Variants in KDELR1 observed in about 807,000 individuals in gnomAD.
The protein encoded by KDELR1 is ER lumen protein-retaining receptor 1.
KDELR1 carries 16 observed loss-of-function variants against 25.5 expected under a neutral mutation model. The ratio of observed to expected loss-of-function variants is 0.63; its 90% CI spans 0.43 to 0.95. The LOEUF (loss-of-function observed/expected upper bound fraction) is 0.95, where lower values mean the gene tolerates loss of function less well. Among genes scored for constraint, KDELR1 ranks in the 40% least tolerant of loss-of-function variants. The probability of loss-of-function intolerance (pLI) is 0.00; values close to 1 mark genes in which losing one functional copy is unlikely to be tolerated. For missense variants in KDELR1, 159 were observed against 265.2 expected, an observed-to-expected ratio of 0.60 and a Z score of 2.78; for synonymous variants, 121 against 115.0, an observed-to-expected ratio of 1.05 and a Z score of -0.33.
In KDELR1 at chr19:48,389,586, C is replaced by T. The variant is rs779359987; in HGVS notation, c.318G>A (p.Ala106=). 1.2e-5 allele frequency: 19 copies of T among 1,614,078 alleles called. No homozygotes were observed. The highest frequency in any genetic ancestry group is 4.5e-5 in the East Asian group (2 of 44,880). ...GGGTGAAGTCATGATTGACCAGGAACGCCAGAATGGCTGTGGGAACGACCA... is the reference window on the plus strand; with the variant it reads ...GGGTGAAGTCATGATTGACCAGGAATGCCAGAATGGCTGTGGGAACGACCA... ...EFLVVPTAIL[A]FLVNHDFTPL... The change falls in exon 3 of 5, where the codon GCG becomes GCA. Residue 106 remains alanine (A), a synonymous_variant. Transcript: ENST00000330720.
At chr19:48,394,482 C>T (rs896874537), upstream of KDELR1, among the ~76,000 whole-genome samples, 4 of 122,270 alleles carry the variant, frequency 3.3e-5, no homozygotes, top group Admixed American at 1.0e-4. This position sits in a 1 kb window ranked among gnomAD's most constrained non-coding sequence, Gnocchi z 5.1. Context: ...GGGCACAAAG[C>T]GGGGGTGCGA....
chr19:48,384,568 C>G lies in KDELR1; in HGVS notation c.352-86G>C. On this transcript the variant is annotated intron_variant, in intron 3 of 4. Transcript: ENST00000330720. This position sits in a 1 kb window ranked among gnomAD's most constrained non-coding sequence, Gnocchi z 4.6. The stretch of plus-strand genomic sequence containing the variant: ...GACAACATTGCAGTTACAGGTGCCG[C>G]GAAGGTGGAGAGAAGGAAGGTGATC... 2 of 1,489,846 alleles carry G rather than the reference C, an allele frequency of 1.3e-6. No homozygotes were observed. The highest frequency in any genetic ancestry group is 9.0e-7 in the Non-Finnish European group (1 of 1,106,312). 92.3% of individuals were successfully genotyped at this position (1,489,846 alleles called of 1,614,324 possible). A position where few individuals can be genotyped will look rare whatever the true frequency, so the allele number is the denominator to read the frequency against.
upstream of KDELR1, among the ~76,000 whole-genome samples, chr19:48,393,743 G>GCCGCCGCCGCCACCCTCGC (rs1970592799): frequency 6.6e-6 from 1 of 152,006 alleles, no homozygotes; most frequent in African/African-American, 2.4e-5. This position sits in a 1 kb window ranked among gnomAD's most constrained non-coding sequence, Gnocchi z 5.6. Flanking sequence ...CCAAGCCGCG[G>GCCGCCGCCGCCACCCTCGC]CCGCCGCCGC....
intron 3 of KDELR1, among the ~76,000 whole-genome samples, chr19:48,387,313 T>A (rs1970504853): frequency 6.6e-6 from 1 of 152,050 alleles, no homozygotes; most frequent in African/African-American, 2.4e-5. Flanking sequence ...TGATGCAGCC[T>A]CCCTCTGATA....
intron 3 of KDELR1, chr19:48,387,781 G>C (rs907882572): frequency 6.6e-6 from 1 of 151,890 alleles, no homozygotes; most frequent in African/African-American, 2.4e-5. Flanking sequence ...TATGGCTTCT[G>C]TTGAAAAGAT....
chr19:48,392,383 A>G (rs1300364457), upstream of KDELR1, among the ~76,000 whole-genome samples: 13 of 143,652 alleles, frequency 9.0e-5, no homozygotes, highest in African/African-American at 3.2e-4. Context: ...CCTCAGACCC[A>G]GGGGTCCAGG....
Position 48,384,594 on chromosome 19 carries a change from C to G in KDELR1, c.352-112G>C, listed in dbSNP as rs1970480651. The G allele has an allele frequency of 1.8e-5, 24 of 1,340,970 alleles. No individual in the cohort carries two copies. In the South Asian group the frequency reaches 3.4e-4, roughly 19 times the overall value. 83.1% of individuals were successfully genotyped at this position (1,340,970 alleles called of 1,614,324 possible). On this transcript the variant is annotated intron_variant, in intron 3 of 4. Coordinates refer to ENST00000330720, the MANE Select transcript of KDELR1 (RefSeq NM_006801.3). This position sits in a 1 kb window ranked among gnomAD's most constrained non-coding sequence, Gnocchi z 4.6. ...GAAGGTGGAGAGAAGGAAGGTGATC[C>G]AGGTGCTGCCAAGTGCCAGACACAG...
intron 3 of KDELR1, among the ~76,000 whole-genome samples, chr19:48,386,620 G>A (rs140111331): frequency 0.03 from 4,414 of 149,154 alleles, 206 homozygotes; most frequent in African/African-American, 0.1. Context: ...GCTAATTTTT[G>A]TATTTTTAAT....
Position 48,383,109 on chromosome 19 carries a change from C to T in KDELR1, c.*184G>A. 1 of 614,906 alleles carries T rather than the reference C, an allele frequency of 1.6e-6. No homozygotes were observed. The highest frequency in any genetic ancestry group is 2.8e-6 in the Non-Finnish European group (1 of 351,142). 38.1% of individuals were successfully genotyped at this position (614,906 alleles called of 1,614,324 possible). A position where few individuals can be genotyped will look rare whatever the true frequency, so the allele number is the denominator to read the frequency against. ...AAAAGGCAAAAAACTACAAACAGCC[C>T]AAGTCCTGAGCTCCCCAAGACCTGG... On this transcript the variant is annotated 3_prime_UTR_variant, in exon 5 of 5. Transcript: ENST00000330720.
chr19:48,387,368 G>A (rs1430315154), intron 3 of KDELR1, among the ~76,000 whole-genome samples: 2 of 151,944 alleles, frequency 1.3e-5, no homozygotes, highest in African/African-American at 2.4e-5. Context: ...GATTTGTCTG[G>A]CCTATACAGT....
In KDELR1 at chr19:48,389,653, G is replaced by A; in HGVS notation, c.251C>T (p.Ala84Val). 1 of 1,614,120 alleles carries A rather than the reference G, an allele frequency of 6.2e-7. No individual in the cohort carries two copies. Among genetic ancestry groups the A allele is most frequent in the Non-Finnish European group, 8.5e-7 (1 of 1,179,972 alleles). The change falls in exon 3 of 5, where the codon GCT (alanine) becomes GTT (valine). Residue 84 changes from alanine to valine, a missense_variant. Coordinates refer to ENST00000330720, the MANE Select transcript of KDELR1 (RefSeq NM_006801.3). ...CGTGTCATGGTTCCCATCGTAAGTAGCTTTGAACTTGCTATAAATCAACCA... is the reference window on the plus strand; with the variant it reads ...CGTGTCATGGTTCCCATCGTAAGTAACTTTGAACTTGCTATAAATCAACCA... Reference protein sequence around the residue: ...TVWLIYSKFKATYDGNHDTFR... With the variant: ...TVWLIYSKFKVTYDGNHDTFR...
At position 48,384,162 on chromosome 19, in the gene KDELR1, A is replaced by C; in HGVS notation, c.604+68T>G. The C allele has an allele frequency of 6.3e-7, 1 of 1,582,894 alleles. No homozygotes were observed. The highest frequency in any genetic ancestry group is 8.6e-7 in the Non-Finnish European group (1 of 1,158,148). On this transcript the variant is annotated intron_variant, in intron 4 of 4. Transcript: ENST00000330720. This position sits in a 1 kb window ranked among gnomAD's most constrained non-coding sequence, Gnocchi z 4.6. ...CATAATACAGGGGTAAGGAGACCCC[A>C]GTCCCCAGGGAGGGCAGGAGCTGCA...
rs547802429 is a variant in KDELR1, at chr19:48,388,836, G to A, written c.351+717C>T. 2.7e-5 allele frequency among the ~76,000 whole-genome samples: 4 copies of A among 148,472 alleles called. No homozygotes were observed. The East Asian group carries it at 7.9e-4, about 29-fold the overall frequency. On this transcript the variant is annotated intron_variant, in intron 3 of 4. Transcript: ENST00000330720. Reference sequence around the variant, plus strand: ...GGAAGGAAGGAGGAAAGGAAGAAAGGAAGGAGGAAAGGAAGAAGGAAAGGA... The same window carrying A: ...GGAAGGAAGGAGGAAAGGAAGAAAGAAAGGAGGAAAGGAAGAAGGAAAGGA...
intron 3 of KDELR1, among the ~76,000 whole-genome samples, chr19:48,386,139 G>T (rs1427328922): frequency 1.0e-4 from 15 of 149,184 alleles, no homozygotes; most frequent in Non-Finnish European, 2.2e-4. Flanking sequence ...CTGAGGCCGA[G>T]TTTCACTCTT....
rs1482909569 is a variant in KDELR1 at position 48,383,066 on chromosome 19, G to T, written c.*227C>A. On this transcript the variant is annotated 3_prime_UTR_variant, in exon 5 of 5. Coordinates refer to ENST00000330720, the MANE Select transcript of KDELR1 (RefSeq NM_006801.3). ...AGAATCAAAAACTAAAGAGTGGAAA[G>T]ATTTTTTTTTCTTGTCTAAAAGGCA... 2 of 580,426 alleles carry T rather than the reference G, an allele frequency of 3.4e-6. No individual in the cohort carries two copies. Among genetic ancestry groups the T allele is most frequent in the African/African-American group, 1.9e-5 (1 of 53,222 alleles). The allele number at this position is 580,426 out of a possible 1,614,324, so 36.0% of individuals were successfully genotyped here.
At chr19:48,385,737 G>C (rs916993073) in intron 3 of KDELR1, among the ~76,000 whole-genome samples, 5 of 152,186 alleles carry the variant, frequency 3.3e-5, no homozygotes, top group African/African-American at 1.2e-4. Context: ...GAAGGAAGGT[G>C]GGGGGCACCA....
intron 2 of KDELR1, among the ~76,000 whole-genome samples, chr19:48,389,932 G>A (rs1466163545): frequency 3.5e-5 from 2 of 57,652 alleles, no homozygotes; most frequent in African/African-American, 1.6e-4. Context: ...CAAGCCCCCA[G>A]CCCCTCCTCC....
At chr19:48,390,209 G>C (rs1249421656) in intron 2 of KDELR1, 2 of 460,738 alleles carry the variant, frequency 4.3e-6, no homozygotes, top group Non-Finnish European at 7.7e-6. Flanking sequence ...TCAGACCCAG[G>C]AGTCCAGACC....
Position 48,389,586 on chromosome 19 carries a change from C to A in KDELR1, c.318G>T (p.Ala106=). ...GGGTGAAGTCATGATTGACCAGGAA[C>A]GCCAGAATGGCTGTGGGAACGACCA... The part of the protein sequence containing the change: ...EFLVVPTAIL[A]FLVNHDFTPL... The change falls in exon 3 of 5, where the codon GCG becomes GCT. Residue 106 remains alanine (A), a synonymous_variant. Coordinates refer to ENST00000330720, the MANE Select transcript of KDELR1 (RefSeq NM_006801.3). 2.5e-6 allele frequency: 4 copies of A among 1,614,078 alleles called. No individual in the cohort carries two copies. Among genetic ancestry groups the A allele is most frequent in the Non-Finnish European group, 2.5e-6 (3 of 1,179,972 alleles).
Sources: allele counts gnomAD v4.1 joint callset (sites outside exome capture counted in the v4.1 genomes callset), GRCh38; gene constraint gnomAD v4.1.1; non-coding constraint Gnocchi (gnomAD v3.1); transcripts MANE v1.5; gene names NCBI Gene and HGNC (gene_info 2026-07-23, HGNC 2026-07-21).